The following SMIM10L3 variants were observed in gnomAD, a reference collection of about 807,000 sequenced individuals.
SMIM10L3 encodes the protein salivary gland specific protein SAGSIN1.
the SMIM10L3 span, chr7:6,331,346 C>T: frequency 1.6e-6 from 1 of 634,930 alleles, no homozygotes; most frequent in Non-Finnish European, 2.7e-6. Flanking sequence ...TGACAGTCTC[C>T]AGTACAGGGT....
chr7:6,330,975 T>C, the SMIM10L3 span: 10 of 1,614,108 alleles, frequency 6.2e-6, no homozygotes, highest in African/African-American at 8.0e-5. Flanking sequence ...CCAGTGATAA[T>C]GCCTCACTTT....
the SMIM10L3 span, chr7:6,331,042 G>C: frequency 6.2e-7 from 1 of 1,613,990 alleles, no homozygotes; most frequent in East Asian, 2.2e-5. Context: ...TGCAGGCCAA[G>C]GGCCCTCCGG....
the SMIM10L3 span, among the ~76,000 whole-genome samples, chr7:6,344,096 G>C: frequency 6.6e-6 from 1 of 151,118 alleles, no homozygotes; most frequent in Non-Finnish European, 1.5e-5. Flanking sequence ...TGTTGCCCAG[G>C]CTTCTCAAGC....
At chr7:6,339,268 G>A in the SMIM10L3 span, among the ~76,000 whole-genome samples, 5 of 152,046 alleles carry the variant, frequency 3.3e-5, no homozygotes, top group Non-Finnish European at 7.4e-5. Context: ...AGGAGCCGGA[G>A]ACCAGCCTGA....
At chr7:6,338,179 TTATACA>T in the SMIM10L3 span, among the ~76,000 whole-genome samples, 1 of 152,174 alleles carries the variant, frequency 6.6e-6, no homozygotes, top group Admixed American at 6.6e-5. Context: ...TATTAGACTG[TTATACA>T]TATTACCTGT....
chr7:6,335,430 T>C, the SMIM10L3 span, among the ~76,000 whole-genome samples: 1 of 151,290 alleles, frequency 6.6e-6, no homozygotes, highest in Admixed American at 6.6e-5. Context: ...TGTTTCGCTA[T>C]GTTGCCAGGC....
At chr7:6,341,277 T>C in the SMIM10L3 span, among the ~76,000 whole-genome samples, 7 of 148,242 alleles carry the variant, frequency 4.7e-5, no homozygotes, top group African/African-American at 1.7e-4. Context: ...ACCCCATCTC[T>C]ACGAAAATAC....
chr7:6,341,163 G>C, the SMIM10L3 span, among the ~76,000 whole-genome samples: 1 of 145,516 alleles, frequency 6.9e-6, no homozygotes, highest in African/African-American at 2.6e-5. Flanking sequence ...AATGAGTGCT[G>C]GCCAGGCACA....
At chr7:6,339,474 G>A in the SMIM10L3 span, among the ~76,000 whole-genome samples, 1 of 151,868 alleles carries the variant, frequency 6.6e-6, no homozygotes. Flanking sequence ...AAAACCAGCT[G>A]TGTACCCCTT....
the SMIM10L3 span, among the ~76,000 whole-genome samples, chr7:6,338,040 G>T: frequency 6.6e-6 from 1 of 152,030 alleles, no homozygotes; most frequent in African/African-American, 2.4e-5. Flanking sequence ...CTGACCTCAG[G>T]TGATCCACCT....
the SMIM10L3 span, among the ~76,000 whole-genome samples, chr7:6,341,498 C>T: frequency 2.7e-5 from 4 of 148,764 alleles, no homozygotes; most frequent in East Asian, 2.0e-4. Flanking sequence ...TCCTGGCTAA[C>T]GTGGTGAAAC....
chr7:6,339,640 C>T, the SMIM10L3 span, among the ~76,000 whole-genome samples: 3 of 151,988 alleles, frequency 2.0e-5, no homozygotes, highest in African/African-American at 7.2e-5. Flanking sequence ...CCCGCCACCA[C>T]GCCTGGGTAA....
the SMIM10L3 span, chr7:6,330,159 A>G: frequency 3.5e-6 from 2 of 567,680 alleles, no homozygotes; most frequent in South Asian, 4.6e-5. Flanking sequence ...CCAATTCTTT[A>G]TATGTCTTTT....
chr7:6,346,292 A>C, the SMIM10L3 span, among the ~76,000 whole-genome samples: 5 of 152,142 alleles, frequency 3.3e-5, no homozygotes, highest in African/African-American at 9.7e-5. Context: ...ATCAGGTATA[A>C]TTTCAGAATG....
chr7:6,335,712 G>A, the SMIM10L3 span, among the ~76,000 whole-genome samples: 1 of 151,980 alleles, frequency 6.6e-6, no homozygotes, highest in East Asian at 1.9e-4. Flanking sequence ...ATAGAATTGT[G>A]ACCATTATTC....
At chr7:6,333,252 GGA>G in the SMIM10L3 span, among the ~76,000 whole-genome samples, 1 of 152,040 alleles carries the variant, frequency 6.6e-6, no homozygotes, top group Non-Finnish European at 1.5e-5. Flanking sequence ...GAGAAAGCAG[GGA>G]GAGTTTAGAG....
chr7:6,342,238 T>C, the SMIM10L3 span, among the ~76,000 whole-genome samples: 1 of 151,870 alleles, frequency 6.6e-6, no homozygotes, highest in Admixed American at 6.6e-5. Flanking sequence ...CTCTCTCTCT[T>C]TCTGTCTTAT....
At chr7:6,341,366 C>A in the SMIM10L3 span, among the ~76,000 whole-genome samples, 2 of 151,284 alleles carry the variant, frequency 1.3e-5, no homozygotes, top group East Asian at 1.9e-4. Context: ...TGGTGTGAAC[C>A]GGGAGGCGGA....
chr7:6,330,532 G>A, the SMIM10L3 span: 1 of 1,614,152 alleles, frequency 6.2e-7, no homozygotes, highest in Non-Finnish European at 8.5e-7. Context: ...AATGCGTTTT[G>A]TCTCCTCACT....
Sources: allele counts gnomAD v4.1 joint callset (sites outside exome capture counted in the v4.1 genomes callset), GRCh38; gene constraint gnomAD v4.1.1; transcripts MANE v1.5; gene names NCBI Gene and HGNC (gene_info 2026-07-23, HGNC 2026-07-21).